The following MGAT4C variants were observed in gnomAD, a reference collection of about 807,000 sequenced individuals.
The protein encoded by MGAT4C is MGAT4 family member C.
In MGAT4C, 19 loss-of-function variants were observed where a neutral mutation model predicts 40.1. The observed-to-expected ratio is 0.47, with a 90% confidence interval of 0.33 to 0.70. The LOEUF (loss-of-function observed/expected upper bound fraction) is 0.70. Ranked by LOEUF, MGAT4C falls within the 30% of genes least tolerant of loss-of-function variation. MGAT4C has a pLI of 0.02. For synonymous variants in MGAT4C, 181 were observed against 187.1 expected, an observed-to-expected ratio of 0.97 and a Z score of 0.27; for missense variants, 491 against 563.2, an observed-to-expected ratio of 0.87 and a Z score of 1.30.
At chr12:86,108,654 T>A (rs148395437) in intron 1 of MGAT4C, among the ~76,000 whole-genome samples, 2 of 152,082 alleles carry the variant, frequency 1.3e-5, no homozygotes, top group South Asian at 4.1e-4. Context: ...TCCTGAAAAA[T>A]CCTTTTGACA....
chr12:86,648,802 G>T (rs1304876249), intron 2 of MGAT4C, among the ~76,000 whole-genome samples: 1 of 151,840 alleles, frequency 6.6e-6, no homozygotes, highest in Non-Finnish European at 1.5e-5. Context: ...AAGGTAAATT[G>T]TTTATATAAT....
In MGAT4C at chr12:86,241,871, T is replaced by C. The variant is rs150815281; in HGVS notation, c.-57+14368A>G. ...GCTTCATACTCACTACCTGTCTGACTTGGCCCAATAAGCCACTCTTCCTGA... is the reference window on the plus strand; with the variant it reads ...GCTTCATACTCACTACCTGTCTGACCTGGCCCAATAAGCCACTCTTCCTGA... On this transcript the variant is annotated intron_variant, in intron 1 of 4. Coordinates refer to ENST00000611864, the MANE Select transcript of MGAT4C (RefSeq NM_001351288.2). 5.9e-3 allele frequency among the ~76,000 whole-genome samples: 901 copies of C among 152,294 alleles called. 5 individuals are homozygous for C. The highest frequency in any genetic ancestry group is 0.01 in the Middle Eastern group (3 of 294).
At chr12:86,427,591 C>T (rs1315512137) in intron 3 of MGAT4C, among the ~76,000 whole-genome samples, 2 of 152,064 alleles carry the variant, frequency 1.3e-5, no homozygotes, top group African/African-American at 2.4e-5. Flanking sequence ...CTTTCACATC[C>T]TTAGTAGTCA....
intron 2 of MGAT4C, among the ~76,000 whole-genome samples, chr12:86,437,358 A>G (rs1957154296): frequency 6.6e-6 from 1 of 151,930 alleles, no homozygotes; most frequent in East Asian, 1.9e-4. Flanking sequence ...GAGGTTTGGA[A>G]CAGTTCAAGT....
intron 1 of MGAT4C, among the ~76,000 whole-genome samples, chr12:86,836,399 C>G (rs1044610121): frequency 2.6e-5 from 4 of 151,554 alleles, no homozygotes; most frequent in African/African-American, 9.8e-5. Flanking sequence ...GGAGAGAATA[C>G]CATTACATTT....
chr12:86,675,015 C>A (rs894550027), intron 2 of MGAT4C, among the ~76,000 whole-genome samples: 5 of 152,126 alleles, frequency 3.3e-5, no homozygotes, highest in Non-Finnish European at 5.9e-5. Context: ...ATAACATATA[C>A]TTCATTCGTT....
intron 4 of MGAT4C, among the ~76,000 whole-genome samples, chr12:86,315,201 A>C (rs1009635961): frequency 1.3e-5 from 2 of 152,154 alleles, no homozygotes; most frequent in South Asian, 4.1e-4. Context: ...AACCAGAAAT[A>C]AAGCCACACA....
intron 2 of MGAT4C, among the ~76,000 whole-genome samples, chr12:86,554,290 C>A (rs1377408735): frequency 6.6e-6 from 1 of 152,154 alleles, no homozygotes; most frequent in Non-Finnish European, 1.5e-5. Flanking sequence ...TGCTCTCTAT[C>A]CCTGACATGC....
chr12:86,554,270 C>T (rs1959505329), intron 2 of MGAT4C, among the ~76,000 whole-genome samples: 1 of 152,124 alleles, frequency 6.6e-6, no homozygotes, highest in African/African-American at 2.4e-5. Context: ...CCACTTGACC[C>T]ACTGCTGCAT....
intron 2 of MGAT4C, among the ~76,000 whole-genome samples, chr12:86,595,750 C>A (rs957189147): frequency 6.6e-6 from 1 of 152,054 alleles, no homozygotes. Context: ...TTTTTTGAGC[C>A]TTTTAACATT....
At chr12:86,651,407 C>T (rs1468094612) in intron 2 of MGAT4C, among the ~76,000 whole-genome samples, 1 of 151,728 alleles carries the variant, frequency 6.6e-6, no homozygotes, top group African/African-American at 2.4e-5. Flanking sequence ...ATTTAAGTTT[C>T]AAATTAGAAG....
At chr12:86,306,825 C>T (rs1953944184) in intron 4 of MGAT4C, among the ~76,000 whole-genome samples, 1 of 132,278 alleles carries the variant, frequency 7.6e-6, no homozygotes, top group South Asian at 2.7e-4. Context: ...GATGATTGAA[C>T]TATAGACAGA....
chr12:86,787,658 C>T lies in MGAT4C; in HGVS notation c.-262+51008G>A, dbSNP rs954074640. Among the ~76,000 whole-genome samples the T allele has an allele frequency of 2.0e-5, 3 of 152,138 alleles. No homozygotes were observed. The South Asian group carries it at 6.2e-4, about 31-fold the overall frequency. Reference sequence around the variant, plus strand: ...AAGGATGTGGAGAAAAGGGATTGGTCATACACTGTTGGTGAGAAGGCAAAT... The same window carrying T: ...AAGGATGTGGAGAAAAGGGATTGGTTATACACTGTTGGTGAGAAGGCAAAT... On this transcript the variant is annotated intron_variant, in intron 1 of 7. Coordinates refer to the MGAT4C transcript ENST00000548651.
intron 2 of MGAT4C, among the ~76,000 whole-genome samples, chr12:86,621,671 T>C (rs1043544806): frequency 1.3e-5 from 2 of 152,016 alleles, no homozygotes; most frequent in African/African-American, 4.8e-5. Context: ...TACAGACAGG[T>C]CTCACTATGT....
chr12:86,212,951 T>C (rs546172744), intron 1 of MGAT4C, among the ~76,000 whole-genome samples: 10 of 150,000 alleles, frequency 6.7e-5, no homozygotes, highest in South Asian at 4.2e-4. Flanking sequence ...GTGAGATTAT[T>C]GTTTTTATAA....
intron 1 of MGAT4C, among the ~76,000 whole-genome samples, chr12:86,248,068 C>T (rs1952106700): frequency 6.6e-6 from 1 of 152,148 alleles, no homozygotes; most frequent in Non-Finnish European, 1.5e-5. Flanking sequence ...TCCTCCTCTT[C>T]ACCACTTTTA....
At chr12:86,779,233 A>C (rs1294858702) in intron 1 of MGAT4C, among the ~76,000 whole-genome samples, 1 of 152,258 alleles carries the variant, frequency 6.6e-6, no homozygotes, top group South Asian at 2.1e-4. Flanking sequence ...GTAAAAAATT[A>C]TAAACAATTG....
At chr12:86,068,539 A>C (rs971148853) in intron 1 of MGAT4C, 2 of 148,608 alleles carry the variant, frequency 1.3e-5, no homozygotes, top group Non-Finnish European at 3.0e-5. Context: ...ATAGATAAAT[A>C]TGAATATAAA....
At chr12:86,025,675 C>A (rs1890178545) in intron 2 of MGAT4C, among the ~76,000 whole-genome samples, 1 of 151,664 alleles carries the variant, frequency 6.6e-6, no homozygotes, top group Non-Finnish European at 1.5e-5. Flanking sequence ...GGCTGTGGGA[C>A]TGTCTACATG....
Sources: allele counts gnomAD v4.1 joint callset (sites outside exome capture counted in the v4.1 genomes callset), GRCh38; gene constraint gnomAD v4.1.1; transcripts MANE v1.5; gene names NCBI Gene and HGNC (gene_info 2026-07-23, HGNC 2026-07-21).